Variants in HYCC2 observed in about 807,000 individuals in gnomAD.
The protein encoded by HYCC2 is hyccin PI4KA lipid kinase complex subunit 2, also known as hyccin 2.
the HYCC2 span, chr2:201,063,468 A>G: frequency 6.3e-7 from 1 of 1,591,390 alleles, no homozygotes; most frequent in South Asian, 1.1e-5. Flanking sequence ...TATTTTGAAC[A>G]GTATGGAAAA....
At chr2:201,047,775 C>A in the HYCC2 span, among the ~76,000 whole-genome samples, 1 of 149,040 alleles carries the variant, frequency 6.7e-6, no homozygotes, top group Admixed American at 6.8e-5. Context: ...ACAACAGAAG[C>A]CAAAATATAA....
the HYCC2 span, among the ~76,000 whole-genome samples, chr2:201,036,252 T>C: frequency 3.3e-5 from 5 of 152,162 alleles, no homozygotes; most frequent in African/African-American, 9.7e-5. Flanking sequence ...CAATAATTAA[T>C]AGCTTACCAA....
the HYCC2 span, among the ~76,000 whole-genome samples, chr2:201,001,308 A>T: frequency 6.6e-6 from 1 of 152,162 alleles, no homozygotes; most frequent in Admixed American, 6.6e-5. Flanking sequence ...GAATCTGCAG[A>T]ACTGTGAGCA....
the HYCC2 span, among the ~76,000 whole-genome samples, chr2:201,000,650 A>G: frequency 2.0e-5 from 3 of 152,202 alleles, no homozygotes; most frequent in African/African-American, 7.2e-5. Flanking sequence ...TCTGGAAAGA[A>G]GCATGACAGT....
At chr2:200,983,202 T>C in the HYCC2 span, among the ~76,000 whole-genome samples, 1 of 152,254 alleles carries the variant, frequency 6.6e-6, no homozygotes, top group Non-Finnish European at 1.5e-5. Flanking sequence ...CTTCTTTCAA[T>C]AACTCATATT....
the HYCC2 span, among the ~76,000 whole-genome samples, chr2:201,041,389 C>G: frequency 6.6e-6 from 1 of 152,212 alleles, no homozygotes; most frequent in Non-Finnish European, 1.5e-5. Context: ...TCTGGCCATA[C>G]TCTCCTTTGA....
chr2:200,995,004 TCA>T, the HYCC2 span, among the ~76,000 whole-genome samples: 1 of 133,538 alleles, frequency 7.5e-6, no homozygotes. Flanking sequence ...GAAGACTCTC[TCA>T]AAAAAAAAAA....
the HYCC2 span, among the ~76,000 whole-genome samples, chr2:201,040,877 A>G: frequency 2.6e-5 from 4 of 152,210 alleles, no homozygotes; most frequent in Admixed American, 1.3e-4. Flanking sequence ...CTGTCTTTAT[A>G]TTAATATGAA....
the HYCC2 span, among the ~76,000 whole-genome samples, chr2:201,054,857 T>C: frequency 6.6e-6 from 1 of 152,126 alleles, no homozygotes; most frequent in African/African-American, 2.4e-5. Context: ...CAGAGATGAG[T>C]TCTTGCTGTG....
At chr2:201,030,617 C>T in the HYCC2 span, among the ~76,000 whole-genome samples, 3 of 148,386 alleles carry the variant, frequency 2.0e-5, no homozygotes, top group African/African-American at 7.4e-5. Flanking sequence ...CTCACCCTAT[C>T]GCCCAGACTG....
chr2:201,009,055 C>A, the HYCC2 span: 4 of 1,613,764 alleles, frequency 2.5e-6, no homozygotes, highest in Non-Finnish European at 3.4e-6. Flanking sequence ...CACAATGCCC[C>A]TTCTGTCAAA....
the HYCC2 span, among the ~76,000 whole-genome samples, chr2:201,056,485 A>T: frequency 6.6e-6 from 1 of 151,944 alleles, no homozygotes; most frequent in South Asian, 2.1e-4. Flanking sequence ...GACCAGCCTG[A>T]CCAACATGAA....
the HYCC2 span, among the ~76,000 whole-genome samples, chr2:201,012,850 C>A: frequency 6.6e-6 from 1 of 151,818 alleles, no homozygotes; most frequent in African/African-American, 2.4e-5. Context: ...GAGGCTGAGG[C>A]AGGAGAATTG....
the HYCC2 span, among the ~76,000 whole-genome samples, chr2:201,016,666 C>T: frequency 6.6e-6 from 1 of 151,144 alleles, no homozygotes; most frequent in East Asian, 1.9e-4. Context: ...GTGGTACAAT[C>T]TTGGCTCACT....
the HYCC2 span, among the ~76,000 whole-genome samples, chr2:201,035,200 C>A: frequency 2.0e-5 from 3 of 152,160 alleles, no homozygotes; most frequent in African/African-American, 7.2e-5. Context: ...AGAGTGTTTT[C>A]CAACTTGGTT....
the HYCC2 span, chr2:201,024,034 T>C: frequency 6.3e-7 from 1 of 1,596,514 alleles, no homozygotes; most frequent in Non-Finnish European, 8.6e-7. Flanking sequence ...TACTCCTCTT[T>C]TATCTCTAAA....
At chr2:201,062,120 A>G in the HYCC2 span, among the ~76,000 whole-genome samples, 1 of 152,180 alleles carries the variant, frequency 6.6e-6, no homozygotes. Context: ...ATTATAAAAT[A>G]AAGTAAAAGC....
the HYCC2 span, among the ~76,000 whole-genome samples, chr2:201,031,747 T>C: frequency 6.6e-6 from 1 of 152,192 alleles, no homozygotes; most frequent in Non-Finnish European, 1.5e-5. Context: ...TTAAACAATC[T>C]GGAGGTTATT....
At chr2:201,029,905 T>C in the HYCC2 span, among the ~76,000 whole-genome samples, 1 of 152,122 alleles carries the variant, frequency 6.6e-6, no homozygotes, top group Non-Finnish European at 1.5e-5. Context: ...GTTGTGCACA[T>C]GTACCCTAGA....
Sources: allele counts gnomAD v4.1 joint callset (sites outside exome capture counted in the v4.1 genomes callset), GRCh38; gene constraint gnomAD v4.1.1; transcripts MANE v1.5; gene names NCBI Gene and HGNC (gene_info 2026-07-23, HGNC 2026-07-21).